Variants in ARMH3 observed in about 807,000 individuals in gnomAD.
ARMH3 encodes the protein armadillo-like helical domain-containing protein 3.
In ARMH3, 60 loss-of-function variants were observed where a neutral mutation model predicts 99.1. That is an observed-to-expected ratio of 0.61 (90% CI 0.49 to 0.75). The LOEUF (loss-of-function observed/expected upper bound fraction) is 0.75. ARMH3 is among the 30% of genes least tolerant of loss of function. ARMH3 has a pLI of 0.00. For missense variants in ARMH3, 679 were observed against 843.1 expected, an observed-to-expected ratio of 0.81 and a Z score of 2.41; for synonymous variants, 285 against 292.8, an observed-to-expected ratio of 0.97 and a Z score of 0.27.
intron 8 of ARMH3, among the ~76,000 whole-genome samples, chr10:102,016,583 C>G (rs2066754429): frequency 6.6e-6 from 1 of 152,178 alleles, no homozygotes; most frequent in South Asian, 2.1e-4. Context: ...GTGTTAATTT[C>G]TGAGAAATGT....
chr10:102,002,184 A>T, intron 14 of ARMH3, 112 bp from the exon 15 acceptor site: 1 of 1,491,842 alleles, frequency 6.7e-7, no homozygotes, highest in African/African-American at 1.4e-5. Flanking sequence ...AGCTTTTTCC[A>T]CAACAGAGGG....
chr10:102,036,894 A>G (rs541051074), intron 2 of ARMH3, among the ~76,000 whole-genome samples: 3 of 151,186 alleles, frequency 2.0e-5, no homozygotes, highest in Non-Finnish European at 4.4e-5. Flanking sequence ...AAAGAAAACA[A>G]AACAAAAATT....
At chr10:101,861,511 T>C (rs1002184101) in intron 24 of ARMH3, among the ~76,000 whole-genome samples, 5 of 152,098 alleles carry the variant, frequency 3.3e-5, no homozygotes, top group East Asian at 1.9e-4. Flanking sequence ...GGCGGACGGA[T>C]CACGAGGGCA....
At chr10:102,036,683 G>A (rs995598721) in intron 2 of ARMH3, among the ~76,000 whole-genome samples, 22 of 152,044 alleles carry the variant, frequency 1.4e-4, no homozygotes, top group Admixed American at 9.2e-4. Flanking sequence ...CAGCAGGCTC[G>A]TTAAGAGTCA....
intron 23 of ARMH3, among the ~76,000 whole-genome samples, chr10:101,907,388 T>G (rs1212046696): frequency 3.3e-5 from 5 of 150,714 alleles, no homozygotes; most frequent in Non-Finnish European, 7.4e-5. Flanking sequence ...TGTTTTTGTT[T>G]TTTTTTTTTT....
At chr10:101,940,294 A>G (rs1375039301) in intron 22 of ARMH3, among the ~76,000 whole-genome samples, 2 of 152,128 alleles carry the variant, frequency 1.3e-5, no homozygotes, top group Admixed American at 1.3e-4. Context: ...TGCCATATCT[A>G]TCATTTCCCT....
At chr10:101,988,073 C>A (rs1020579634) in intron 19 of ARMH3, among the ~76,000 whole-genome samples, 2 of 152,148 alleles carry the variant, frequency 1.3e-5, no homozygotes, top group Non-Finnish European at 2.9e-5. Flanking sequence ...ATTCCTGAAC[C>A]ACAGAAACTG....
intron 23 of ARMH3, among the ~76,000 whole-genome samples, chr10:101,911,061 C>T (rs1041847909): frequency 1.3e-5 from 2 of 151,286 alleles, no homozygotes; most frequent in African/African-American, 4.9e-5. Context: ...AATCGCTTGA[C>T]CCAGAGGAGG....
chr10:102,036,012 G>A (rs982000427), intron 2 of ARMH3, among the ~76,000 whole-genome samples: 2 of 151,622 alleles, frequency 1.3e-5, no homozygotes, highest in African/African-American at 4.8e-5. Flanking sequence ...ACCTCTGCCC[G>A]GCCGCGACCC....
At chr10:101,877,959 T>G (rs977501146) in intron 24 of ARMH3, among the ~76,000 whole-genome samples, 6 of 151,938 alleles carry the variant, frequency 3.9e-5, no homozygotes, top group African/African-American at 1.5e-4. Context: ...TTAAAAACAA[T>G]TAAAATTCAC....
At chr10:101,904,281 G>C (rs2068049052) in intron 23 of ARMH3, among the ~76,000 whole-genome samples, 1 of 152,132 alleles carries the variant, frequency 6.6e-6, no homozygotes, top group African/African-American at 2.4e-5. Flanking sequence ...TTACCGCCAA[G>C]AGCAGTAAGG....
At chr10:102,001,842 A>G in intron 15 of ARMH3, 129 bp downstream of exon 15, 1 of 792,034 alleles carries the variant, frequency 1.3e-6, no homozygotes, top group Non-Finnish European at 2.0e-6. Context: ...TTTTCCAGCA[A>G]TGAAGACCAT....
chr10:102,008,561 A>AT lies in ARMH3; in HGVS notation c.954+812dup, dbSNP rs199616601. Among the ~76,000 whole-genome samples, 128 of 146,602 alleles carry AT rather than the reference A, an allele frequency of 8.7e-4. 1 individual carries two copies. Among genetic ancestry groups the AT allele is most frequent in the Admixed American group, 4.7e-3 (69 of 14,788 alleles). On this transcript the variant is annotated intron_variant, in intron 13 of 25. Coordinates refer to ENST00000370033, the MANE Select transcript of ARMH3 (RefSeq NM_024541.3). ...TTTTGTTATGTTTTGTTTTTATTTTATTTTTTTTTGAGACAGAGTCTCACT... is the reference window on the plus strand; with the variant it reads ...TTTTGTTATGTTTTGTTTTTATTTTATTTTTTTTTTGAGACAGAGTCTCACT...
intron 15 of ARMH3, among the ~76,000 whole-genome samples, chr10:101,995,627 C>T (rs1847020651): frequency 6.6e-6 from 1 of 152,200 alleles, no homozygotes; most frequent in African/African-American, 2.4e-5. Context: ...ATGGTTCCTA[C>T]TGTCATGGCT....
intron 23 of ARMH3, among the ~76,000 whole-genome samples, chr10:101,926,943 G>C (rs1359628977): frequency 6.6e-6 from 1 of 152,092 alleles, no homozygotes; most frequent in East Asian, 1.9e-4. Flanking sequence ...GATAGGGTTT[G>C]GATTGGTATA....
intron 15 of ARMH3, among the ~76,000 whole-genome samples, 155 bp downstream of exon 15, chr10:102,001,816 A>G (rs769059365): frequency 1.3e-5 from 2 of 152,234 alleles, no homozygotes; most frequent in Non-Finnish European, 2.9e-5. Context: ...TCTAGCAATT[A>G]GGTGAGACAT....
chr10:101,972,919 A>G (rs1400659515), intron 20 of ARMH3, among the ~76,000 whole-genome samples: 1 of 152,254 alleles, frequency 6.6e-6, no homozygotes, highest in African/African-American at 2.4e-5. Context: ...GGACATAATT[A>G]TAAATAGAGC....
At chr10:101,848,495 G>A (rs1281674330) in intron 25 of ARMH3, among the ~76,000 whole-genome samples, 1 of 148,640 alleles carries the variant, frequency 6.7e-6, no homozygotes, top group East Asian at 2.0e-4. Flanking sequence ...AAAAGGGGAA[G>A]GAGGAGGAGA....
chr10:102,036,866 T>TAA (rs750365326), intron 2 of ARMH3, among the ~76,000 whole-genome samples: 5 of 77,928 alleles, frequency 6.4e-5, no homozygotes, highest in Non-Finnish European at 8.5e-5. Context: ...GAATGATCAA[T>TAA]AAAAAAAAAA....
Sources: allele counts gnomAD v4.1 joint callset (sites outside exome capture counted in the v4.1 genomes callset), GRCh38; gene constraint gnomAD v4.1.1; transcripts MANE v1.5; gene names NCBI Gene and HGNC (gene_info 2026-07-23, HGNC 2026-07-21).